The following RCBTB1 variants were observed in gnomAD, a reference collection of about 807,000 sequenced individuals.
The protein encoded by RCBTB1 is RCC1 and BTB domain-containing protein 1.
A neutral mutation model predicts 62.4 loss-of-function variants in RCBTB1; 46 were observed. The ratio of observed to expected loss-of-function variants is 0.74; its 90% CI spans 0.58 to 0.94. The LOEUF is 0.94. RCBTB1 is among the 40% of genes least tolerant of loss of function. The pLI is 0.00. For synonymous variants in RCBTB1, 222 were observed against 245.8 expected, an observed-to-expected ratio of 0.90 and a Z score of 0.91; for missense variants, 565 against 654.9, an observed-to-expected ratio of 0.86 and a Z score of 1.50.
Position 49,566,772 on chromosome 13 carries a change from G to T in RCBTB1, c.127-4C>A. ...AGTTCAGTCCAAATACAAAGACCTA[G>T]AAAATAGATAGTTTTTTTTCTGAGT... On this transcript the variant is annotated splice_region_variant and splice_polypyrimidine_tract_variant and intron_variant, in intron 3 of 12. Coordinates refer to ENST00000378302, the MANE Select transcript of RCBTB1 (RefSeq NM_018191.4). 6.3e-7 allele frequency: 1 copy of T among 1,594,484 alleles called. No homozygotes were observed.
chr13:49,583,958 G>A (rs1964250771), intron 1 of RCBTB1, among the ~76,000 whole-genome samples: 1 of 152,098 alleles, frequency 6.6e-6, no homozygotes, highest in Non-Finnish European at 1.5e-5. Flanking sequence ...TCCTATGCAT[G>A]ACTTACTGTT....
At chr13:49,579,299 G>C (rs1034686009) in intron 2 of RCBTB1, among the ~76,000 whole-genome samples, 1 of 152,150 alleles carries the variant, frequency 6.6e-6, no homozygotes, top group African/African-American at 2.4e-5. Flanking sequence ...TGTCATCCAC[G>C]TCTCTCTTCT....
intron 2 of RCBTB1, among the ~76,000 whole-genome samples, chr13:49,567,727 C>T (rs978210299): frequency 3.3e-5 from 5 of 152,168 alleles, no homozygotes; most frequent in Non-Finnish European, 5.9e-5. Context: ...CTTGTCCCCA[C>T]CCACCAGAGA....
intron 10 of RCBTB1, among the ~76,000 whole-genome samples, chr13:49,544,288 G>GGA (rs754248070): frequency 5.9e-5 from 9 of 152,034 alleles, no homozygotes; most frequent in Non-Finnish European, 8.8e-5. Flanking sequence ...TGACCAACAT[G>GGA]GAGAAACCCC....
intron 9 of RCBTB1, 91 bp from the exon 10 acceptor site, chr13:49,544,954 G>A: frequency 1.0e-6 from 1 of 974,060 alleles, no homozygotes; most frequent in East Asian, 2.9e-5. Context: ...GACCGTGATG[G>A]ATAATTCCAC....
intron 8 of RCBTB1, chr13:49,551,102 A>AAAGGG (rs758804412): frequency 3.9e-5 from 18 of 466,314 alleles, no homozygotes; most frequent in East Asian, 2.1e-4. Context: ...CTGTCTCAAA[A>AAAGGG]AAGGGAAGGG....
chr13:49,546,209 T>G, intron 9 of RCBTB1: 1 of 985,448 alleles, frequency 1.0e-6, no homozygotes, highest in Non-Finnish European at 1.2e-6. Context: ...GAAATGACTC[T>G]TTCTCCTCTT....
chr13:49,576,552 A>G (rs916187183), intron 2 of RCBTB1, among the ~76,000 whole-genome samples: 8 of 152,320 alleles, frequency 5.3e-5, no homozygotes, highest in Admixed American at 2.0e-4. Context: ...TAAAAGAAAT[A>G]TAGCCTTCTT....
rs777630688 is a variant in RCBTB1 at position 49,552,181 on chromosome 13, GT to G, written c.707del (p.Asn236ThrfsTer11). 1.7e-5 allele frequency: 27 copies of G among 1,572,696 alleles called. No individual in the cohort carries two copies. In the East Asian group the frequency reaches 5.7e-4, roughly 33 times the overall value. ...ACTGAGAGTGCACCACACGTACCTG[GT>G]TCACACACACGCTGTGCAAAGCTGC... ...RVAALHSVCV[N>X]QIVCGYAHTL... On this transcript the variant is annotated frameshift_variant, in exon 7 of 13. Transcript: ENST00000378302. LOFTEE classifies it high-confidence loss of function.
chr13:49,567,325 TG>T lies in RCBTB1; in HGVS notation c.-41-6del, dbSNP rs771494244. ...CCTATAAATAAGCCGACATCTCTGC[TG>T]GAACAGAAAGGATTCCAGAAAAAAA... On this transcript the variant is annotated splice_region_variant and splice_polypyrimidine_tract_variant and intron_variant, in intron 2 of 12. Coordinates refer to ENST00000378302, the MANE Select transcript of RCBTB1 (RefSeq NM_018191.4). The T allele has an allele frequency of 1.5e-5, 24 of 1,596,346 alleles. No homozygotes were observed. Among genetic ancestry groups the T allele is most frequent in the Non-Finnish European group, 2.1e-5 (24 of 1,169,194 alleles).
intron 4 of RCBTB1, among the ~76,000 whole-genome samples, chr13:49,564,501 G>A (rs981974635): frequency 1.2e-4 from 17 of 146,456 alleles, no homozygotes; most frequent in South Asian, 4.3e-4. Context: ...CAGAAGAATC[G>A]CTTGAACCCA....
intron 2 of RCBTB1, among the ~76,000 whole-genome samples, chr13:49,572,513 C>A (rs1032055993): frequency 6.6e-6 from 1 of 152,052 alleles, no homozygotes; most frequent in African/African-American, 2.4e-5. Flanking sequence ...TTTAAATAAT[C>A]ATTCCAGGCT....
intron 2 of RCBTB1, among the ~76,000 whole-genome samples, chr13:49,575,556 C>T (rs1461845381): frequency 6.6e-6 from 1 of 151,860 alleles, no homozygotes; most frequent in Non-Finnish European, 1.5e-5. Context: ...ATATATACAC[C>T]ATGGAATACT....
chr13:49,544,513 A>G (rs1960647019), intron 10 of RCBTB1, among the ~76,000 whole-genome samples: 2 of 152,120 alleles, frequency 1.3e-5, no homozygotes, highest in South Asian at 4.1e-4. Flanking sequence ...CAAAAAACCA[A>G]TATGGACAAA....
chr13:49,537,861 T>C (rs1445085371), intron 12 of RCBTB1: 2 of 152,222 alleles, frequency 1.3e-5, no homozygotes, highest in African/African-American at 4.8e-5. Flanking sequence ...TCCACAATCA[T>C]CAACTTACTT....
chr13:49,560,300 A>G (rs1304340135), intron 4 of RCBTB1, among the ~76,000 whole-genome samples: 4 of 151,916 alleles, frequency 2.6e-5, no homozygotes, highest in African/African-American at 9.7e-5. Context: ...AAACTTGGTA[A>G]TAACATAGAA....
chr13:49,544,394 G>A (rs747362249), intron 10 of RCBTB1, among the ~76,000 whole-genome samples: 102 of 152,200 alleles, frequency 6.7e-4, no homozygotes, highest in Non-Finnish European at 1.3e-3. Context: ...ACTTAAACCC[G>A]GGAGGCAGAG....
In RCBTB1 at chr13:49,552,188, C is replaced by T. The variant is rs1424739156; in HGVS notation, c.701G>A (p.Cys234Tyr). The change falls in exon 7 of 13, where the codon TGT (cysteine) becomes TAT (tyrosine). Residue 234 changes from cysteine to tyrosine, a missense_variant. Transcript: ENST00000378302. ...GTGCACCACACGTACCTGGTTCACACACACGCTGTGCAAAGCTGCCACTCT... is the reference window on the plus strand; with the variant it reads ...GTGCACCACACGTACCTGGTTCACATACACGCTGTGCAAAGCTGCCACTCT... ...PVRVAALHSV[C>Y]VNQIVCGYAH... 11 of 1,579,298 alleles carry T rather than the reference C, an allele frequency of 7.0e-6. No individual in the cohort carries two copies. The highest frequency in any genetic ancestry group is 8.6e-6 in the Non-Finnish European group (10 of 1,160,930).
chr13:49,558,443 G>A (rs1180925818), intron 5 of RCBTB1, among the ~76,000 whole-genome samples: 2 of 152,132 alleles, frequency 1.3e-5, no homozygotes, highest in African/African-American at 4.8e-5. Flanking sequence ...TGTATTCCCA[G>A]CACTTTGGGA....
Sources: allele counts gnomAD v4.1 joint callset (sites outside exome capture counted in the v4.1 genomes callset), GRCh38; gene constraint gnomAD v4.1.1; transcripts MANE v1.5; gene names NCBI Gene and HGNC (gene_info 2026-07-23, HGNC 2026-07-21).